The following CADPS variants were observed in gnomAD, a reference collection of about 807,000 sequenced individuals.
CADPS encodes calcium-dependent secretion activator 1.
CADPS carries 57 observed loss-of-function variants against 167.3 expected under a neutral mutation model. The observed-to-expected ratio is 0.34, with a 90% CI of 0.28 to 0.42. The LOEUF is 0.42. Ranked by LOEUF, CADPS falls within the 20% of genes least tolerant of loss-of-function variation. The probability of loss-of-function intolerance (pLI) is 1.00; values close to 1 mark genes in which losing one functional copy is unlikely to be tolerated. For missense variants in CADPS, 1,414 were observed against 1,738.1 expected, an observed-to-expected ratio of 0.81 and a Z score of 3.32; for synonymous variants, 676 against 635.3, an observed-to-expected ratio of 1.06 and a Z score of -0.96.
chr3:62,669,402 G>A (rs953921056), intron 3 of CADPS, among the ~76,000 whole-genome samples: 2 of 152,222 alleles, frequency 1.3e-5, no homozygotes, highest in African/African-American at 4.8e-5. Flanking sequence ...AGCTGGGACA[G>A]TGTCAGTTCC....
intron 6 of CADPS, among the ~76,000 whole-genome samples, chr3:62,639,757 CT>C (rs1563212623): frequency 6.6e-6 from 1 of 152,162 alleles, no homozygotes. Flanking sequence ...TGCGTGGCCC[CT>C]AAGACCTGTA....
At chr3:62,509,892 A>T (rs1213205203) in intron 17 of CADPS, among the ~76,000 whole-genome samples, 1 of 152,182 alleles carries the variant, frequency 6.6e-6, no homozygotes, top group Non-Finnish European at 1.5e-5. Context: ...ATGGTATTTA[A>T]ATTTAGACAG....
intron 3 of CADPS, among the ~76,000 whole-genome samples, chr3:62,685,626 G>T (rs1191878398): frequency 4.0e-5 from 6 of 149,176 alleles, no homozygotes; most frequent in African/African-American, 1.5e-4. Flanking sequence ...TTATAGCAGC[G>T]GTCCCCAACA....
rs1459710118 is a variant in CADPS, at chr3:62,478,817, G to A, written c.3174-401C>T. Among the ~76,000 whole-genome samples the A allele has an allele frequency of 6.6e-6, 1 of 152,172 alleles. No individual in the cohort carries two copies. The highest frequency in any genetic ancestry group is 2.4e-5 in the African/African-American group (1 of 41,442). The stretch of plus-strand genomic sequence containing the variant: ...CAACATGCAGTTATTAAACTTCAGG[G>A]TTTCATGCATTTCCCCAGCTCCCCT... On this transcript the variant is annotated intron_variant, in intron 22 of 29. Coordinates refer to ENST00000383710, the MANE Select transcript of CADPS (RefSeq NM_003716.4). The surrounding 1 kb of genome is among the most constrained non-coding windows in gnomAD (Gnocchi z 5.7).
intron 4 of CADPS, among the ~76,000 whole-genome samples, chr3:62,651,655 G>C (rs2070175499): frequency 6.6e-6 from 1 of 152,114 alleles, no homozygotes; most frequent in African/African-American, 2.4e-5. Flanking sequence ...TTCTTTAGAA[G>C]ATAGAGCAAT....
intron 13 of CADPS, among the ~76,000 whole-genome samples, chr3:62,526,001 C>G (rs566454720): frequency 1.3e-5 from 2 of 151,944 alleles, no homozygotes; most frequent in Non-Finnish European, 2.9e-5. Flanking sequence ...AGGGCATTGT[C>G]AGGATATAGA....
chr3:62,784,793 T>C (rs112530829), intron 1 of CADPS, among the ~76,000 whole-genome samples: 6 of 151,150 alleles, frequency 4.0e-5, no homozygotes, highest in East Asian at 3.9e-4. Flanking sequence ...AGAAATTCTA[T>C]AGATTAAAAG....
intron 1 of CADPS, among the ~76,000 whole-genome samples, chr3:62,824,166 C>CAAAAAA (rs3047274): frequency 3.9e-5 from 5 of 126,652 alleles, no homozygotes; most frequent in African/African-American, 1.2e-4. Context: ...GCTATAACTT[C>CAAAAAA]AAAAAAAAAA....
At chr3:62,717,910 C>T (rs951440883) in intron 3 of CADPS, among the ~76,000 whole-genome samples, 3 of 152,168 alleles carry the variant, frequency 2.0e-5, no homozygotes, top group African/African-American at 7.2e-5. Context: ...TGTGTTCCCA[C>T]AACACATCAC....
intron 3 of CADPS, among the ~76,000 whole-genome samples, chr3:62,718,691 T>A (rs765830944): frequency 4.6e-5 from 7 of 152,198 alleles, no homozygotes; most frequent in Non-Finnish European, 8.8e-5. Flanking sequence ...AGATGACACA[T>A]TCTAATCCTA....
chr3:62,739,458 A>T (rs1244454446), intron 3 of CADPS, among the ~76,000 whole-genome samples: 1 of 152,228 alleles, frequency 6.6e-6, no homozygotes, highest in Non-Finnish European at 1.5e-5. Flanking sequence ...TTATGCAGCA[A>T]CAGCTAACCC....
chr3:62,801,145 G>C (rs7634762), intron 1 of CADPS, among the ~76,000 whole-genome samples: 1,539 of 152,150 alleles, frequency 0.01, 28 homozygotes, highest in African/African-American at 0.035. Context: ...TTACTGAGAG[G>C]CTTAACTAAC....
At chr3:62,524,408 T>G (rs2071527305) in intron 13 of CADPS, among the ~76,000 whole-genome samples, 1 of 152,214 alleles carries the variant, frequency 6.6e-6, no homozygotes, top group African/African-American at 2.4e-5. Context: ...TATGCCCTGA[T>G]GCCCTGGGGC....
intron 10 of CADPS, chr3:62,550,977 C>A: frequency 2.2e-6 from 1 of 454,944 alleles, no homozygotes; most frequent in Admixed American, 2.4e-5. Flanking sequence ...TCCTCCTCCT[C>A]TTCCTGATTT....
chr3:62,634,404 T>G (rs1027460243), intron 6 of CADPS, among the ~76,000 whole-genome samples: 2 of 152,236 alleles, frequency 1.3e-5, no homozygotes. Flanking sequence ...TGTACATATT[T>G]TTGTAGTTCC....
At chr3:62,851,371 G>A (rs1452833916) in intron 1 of CADPS, among the ~76,000 whole-genome samples, 99 of 135,388 alleles carry the variant, frequency 7.3e-4, no homozygotes, top group Admixed American at 1.0e-3. Flanking sequence ...TCCTAGTCTC[G>A]ATGGTCGTTA....
chr3:62,522,855 G>A (rs1369627379), intron 13 of CADPS, among the ~76,000 whole-genome samples: 7 of 152,106 alleles, frequency 4.6e-5, no homozygotes, highest in Admixed American at 2.0e-4. Flanking sequence ...CAGGTCAAGC[G>A]CAGTCATTTT....
intron 2 of CADPS, among the ~76,000 whole-genome samples, chr3:62,765,429 C>G (rs912206266): frequency 3.9e-5 from 6 of 152,038 alleles, no homozygotes; most frequent in African/African-American, 1.4e-4. Flanking sequence ...GTTCATGAAG[C>G]CACCATCCTT....
chr3:62,520,430 A>G (rs2070213991), intron 13 of CADPS, among the ~76,000 whole-genome samples: 1 of 152,232 alleles, frequency 6.6e-6, no homozygotes, highest in Non-Finnish European at 1.5e-5. Context: ...TAAAAGTATC[A>G]GATAGCAGCT....
Sources: allele counts gnomAD v4.1 joint callset (sites outside exome capture counted in the v4.1 genomes callset), GRCh38; gene constraint gnomAD v4.1.1; non-coding constraint Gnocchi (gnomAD v3.1); transcripts MANE v1.5; gene names NCBI Gene and HGNC (gene_info 2026-07-23, HGNC 2026-07-21).